Variants in NR3C2 observed in about 807,000 individuals in gnomAD.
NR3C2 encodes mineralocorticoid receptor.
A neutral mutation model predicts 86.4 loss-of-function variants in NR3C2; 15 were observed. That is an observed-to-expected ratio of 0.17 (90% CI 0.12 to 0.27). NR3C2 has a LOEUF of 0.27. Ranked by LOEUF, NR3C2 falls within the 10% of genes least tolerant of loss-of-function variation. NR3C2 has a pLI of 1.00. For synonymous variants in NR3C2, 458 were observed against 450.5 expected, an observed-to-expected ratio of 1.02 and a Z score of -0.21; for missense variants, 960 against 1,195.6, an observed-to-expected ratio of 0.80 and a Z score of 2.91.
At chr4:148,319,720 T>C (rs1208956853) in intron 2 of NR3C2, among the ~76,000 whole-genome samples, 5 of 151,134 alleles carry the variant, frequency 3.3e-5, no homozygotes, top group Non-Finnish European at 5.9e-5. Flanking sequence ...TTTTTGTACA[T>C]TGATTTTGTA....
At chr4:148,422,455 T>C (rs1033437319) in intron 2 of NR3C2, among the ~76,000 whole-genome samples, 1 of 152,136 alleles carries the variant, frequency 6.6e-6, no homozygotes, top group Non-Finnish European at 1.5e-5. Flanking sequence ...AACTAAAGAA[T>C]ATCTACTCCC....
intron 2 of NR3C2, among the ~76,000 whole-genome samples, chr4:148,286,687 C>T (rs556256751): frequency 1.3e-5 from 2 of 152,280 alleles, no homozygotes; most frequent in Non-Finnish European, 2.9e-5. Context: ...TAAATAGTCA[C>T]AGCCTTTTTT....
At position 148,417,941 on chromosome 4, in the gene NR3C2, C is replaced by G. The variant is rs575064369; in HGVS notation, c.1757+17163G>C. Among the ~76,000 whole-genome samples the G allele has an allele frequency of 2.6e-5, 4 of 152,282 alleles. No individual in the cohort carries two copies. The East Asian group carries it at 5.8e-4, about 22-fold the overall frequency. ...GAGGGAGAGATTTCTGACATTTTTACTGGATTCTCAGGCTTTCCTCTAAAG... is the reference window on the plus strand; with the variant it reads ...GAGGGAGAGATTTCTGACATTTTTAGTGGATTCTCAGGCTTTCCTCTAAAG... On this transcript the variant is annotated intron_variant, in intron 2 of 8. Transcript: ENST00000358102.
chr4:148,114,283 T>C (rs749492809), intron 7 of NR3C2, 22 bp from the exon 8 acceptor site: 16 of 1,613,188 alleles, frequency 9.9e-6, no homozygotes, highest in Non-Finnish European at 1.4e-5. Context: ...AAAACAGACA[T>C]GTAAATTTCC....
At chr4:148,210,504 T>A (rs1365118509) in intron 3 of NR3C2, among the ~76,000 whole-genome samples, 1 of 152,174 alleles carries the variant, frequency 6.6e-6, no homozygotes, top group Non-Finnish European at 1.5e-5. Context: ...AATTCTGGGT[T>A]CCTAATGTTC....
intron 6 of NR3C2, among the ~76,000 whole-genome samples, chr4:148,125,990 T>C (rs186907011): frequency 1.9e-3 from 291 of 152,356 alleles, no homozygotes; most frequent in African/African-American, 6.7e-3. Flanking sequence ...GTAAAGCAAA[T>C]TGGAAAATCA....
At chr4:148,441,283 C>G (rs528278284) in intron 1 of NR3C2, among the ~76,000 whole-genome samples, 13 of 152,276 alleles carry the variant, frequency 8.5e-5, no homozygotes, top group South Asian at 6.2e-4. Flanking sequence ...ATAGCTGCCA[C>G]GATGTCAAAC....
chr4:148,320,034 A>G (rs1743473050), intron 2 of NR3C2, among the ~76,000 whole-genome samples: 1 of 145,304 alleles, frequency 6.9e-6, no homozygotes, highest in Non-Finnish European at 1.5e-5. Context: ...AGCTCCTATT[A>G]TTTTGAAATA....
intron 2 of NR3C2, among the ~76,000 whole-genome samples, chr4:148,349,567 C>T (rs1002955129): frequency 6.6e-6 from 1 of 152,100 alleles, no homozygotes; most frequent in Non-Finnish European, 1.5e-5. Flanking sequence ...TACAAAGACA[C>T]TTCCTGGACT....
At chr4:148,222,373 A>G (rs1490268432) in intron 3 of NR3C2, among the ~76,000 whole-genome samples, 1 of 152,236 alleles carries the variant, frequency 6.6e-6, no homozygotes, top group Non-Finnish European at 1.5e-5. Flanking sequence ...TTGATTTAAT[A>G]AATGAGTTCA....
intron 2 of NR3C2, among the ~76,000 whole-genome samples, chr4:148,321,128 G>T (rs1022425592): frequency 6.8e-6 from 1 of 146,262 alleles, no homozygotes; most frequent in African/African-American, 2.5e-5. Flanking sequence ...CCTTCATTTC[G>T]TTATGTACCC....
intron 5 of NR3C2, among the ~76,000 whole-genome samples, chr4:148,153,466 T>C (rs913176464): frequency 6.6e-6 from 1 of 152,178 alleles, no homozygotes; most frequent in Non-Finnish European, 1.5e-5. Flanking sequence ...CATGGGCCAC[T>C]GCACCAGGCC....
At chr4:148,220,581 G>A (rs917322074) in intron 3 of NR3C2, among the ~76,000 whole-genome samples, 2 of 152,184 alleles carry the variant, frequency 1.3e-5, no homozygotes, top group African/African-American at 2.4e-5. Flanking sequence ...CAAGGTGGGA[G>A]GATCACCTGA....
intron 2 of NR3C2, among the ~76,000 whole-genome samples, chr4:148,377,894 T>A (rs6849903): frequency 7.2e-5 from 11 of 151,978 alleles, no homozygotes; most frequent in African/African-American, 2.7e-4. Flanking sequence ...CAGCAGAACC[T>A]GAGAAAGAAA....
intron 8 of NR3C2, among the ~76,000 whole-genome samples, chr4:148,109,122 G>A (rs1407450383): frequency 6.6e-6 from 1 of 152,146 alleles, no homozygotes; most frequent in African/African-American, 2.4e-5. Context: ...AAATCATTCT[G>A]TGGGGCTGTT....
intron 6 of NR3C2, among the ~76,000 whole-genome samples, chr4:148,146,279 CCCTGTGGGA>C (rs1256395108): frequency 6.6e-6 from 1 of 152,144 alleles, no homozygotes; most frequent in Non-Finnish European, 1.5e-5. Flanking sequence ...ATCCACCACT[CCCTGTGGGA>C]AGGGACACTG....
At chr4:148,189,693 CT>C (rs1457825073) in intron 4 of NR3C2, among the ~76,000 whole-genome samples, 1 of 152,064 alleles carries the variant, frequency 6.6e-6, no homozygotes, top group African/African-American at 2.4e-5. Flanking sequence ...CCATTTCAGT[CT>C]TTTTAGTTAC....
chr4:148,165,559 T>C (rs1476897564), intron 4 of NR3C2, among the ~76,000 whole-genome samples: 2 of 152,148 alleles, frequency 1.3e-5, no homozygotes. Context: ...ACTTAACATA[T>C]ATTATCAAAA....
chr4:148,268,987 A>G (rs925146311), intron 2 of NR3C2, among the ~76,000 whole-genome samples: 3 of 152,222 alleles, frequency 2.0e-5, no homozygotes, highest in African/African-American at 7.2e-5. Flanking sequence ...CTTGAAAAAC[A>G]TGTTCGACAA....
Sources: gnomAD v4.1 joint callset for allele counts (sites outside exome capture counted in the v4.1 genomes callset) on GRCh38, gnomAD v4.1.1 for gene constraint, MANE v1.5 for transcripts, NCBI Gene and HGNC (gene_info 2026-07-23, HGNC 2026-07-21) for gene names.